The following OTOA variants were observed in gnomAD, a reference collection of about 807,000 sequenced individuals.
OTOA encodes the protein cancer/testis antigen 108.
A neutral mutation model predicts 110.8 loss-of-function variants in OTOA; 70 were observed. That is an observed-to-expected ratio of 0.63 (90% CI 0.52 to 0.77). The LOEUF is 0.77. OTOA is among the 30% of genes least tolerant of loss of function. The pLI is 0.00. For synonymous variants in OTOA, 373 were observed against 431.5 expected, an observed-to-expected ratio of 0.86 and a Z score of 1.68; for missense variants, 917 against 1,075.8, an observed-to-expected ratio of 0.85 and a Z score of 2.06.
chr16:21,677,043 T>C (rs1008597781), intron 1 of OTOA, among the ~76,000 whole-genome samples: 6 of 152,188 alleles, frequency 3.9e-5, no homozygotes, highest in African/African-American at 1.4e-4. Context: ...TTATGATGAA[T>C]TTCTTTTTAT....
chr16:21,707,610 TTTC>T (rs1898211388), intron 12 of OTOA, among the ~76,000 whole-genome samples: 1 of 88,366 alleles, frequency 1.1e-5, no homozygotes, highest in Non-Finnish European at 2.7e-5. Context: ...TCTTTCTTTC[TTTC>T]TTTCTTTCTT....
chr16:21,725,975 A>G (rs1053022088), intron 18 of OTOA, among the ~76,000 whole-genome samples: 5 of 152,186 alleles, frequency 3.3e-5, no homozygotes, highest in Non-Finnish European at 5.9e-5. Flanking sequence ...TCAAGAGCTG[A>G]AGGATCAAGA....
At chr16:21,721,118 T>A (rs558004826) in intron 17 of OTOA, among the ~76,000 whole-genome samples, 4 of 151,666 alleles carry the variant, frequency 2.6e-5, no homozygotes, top group African/African-American at 9.7e-5. Flanking sequence ...TTTCATCATG[T>A]TGGCCAGGCT....
chr16:21,676,783 CT>C (rs1375648833), intron 1 of OTOA, among the ~76,000 whole-genome samples: 1 of 152,166 alleles, frequency 6.6e-6, no homozygotes. Flanking sequence ...GTCTCTTCTG[CT>C]CAGTGAGACC....
chr16:21,721,612 G>A, intron 17 of OTOA: 1 of 411,646 alleles, frequency 2.4e-6, no homozygotes, highest in Non-Finnish European at 5.0e-6. Context: ...ATATAGGCCG[G>A]TCACAATGAC....
chr16:21,710,693 G>A (rs971441731), intron 13 of OTOA, among the ~76,000 whole-genome samples: 1 of 152,020 alleles, frequency 6.6e-6, no homozygotes, highest in African/African-American at 2.4e-5. Flanking sequence ...TTCTCTATTT[G>A]TAATATGTGG....
chr16:21,709,826 G>C, intron 12 of OTOA, 62 bp from the exon 13 acceptor site: 1 of 1,420,898 alleles, frequency 7.0e-7, no homozygotes, highest in Non-Finnish European at 9.9e-7. Flanking sequence ...CCCTGGATAT[G>C]GTCAGAGGGA....
chr16:21,721,278 C>T (rs986146724), intron 17 of OTOA: 3 of 435,714 alleles, frequency 6.9e-6, no homozygotes, highest in South Asian at 1.6e-5. Context: ...CACACACACA[C>T]AAACAACCAA....
intron 14 of OTOA, among the ~76,000 whole-genome samples, chr16:21,715,805 A>G (rs1261816630): frequency 6.6e-6 from 1 of 151,882 alleles, no homozygotes; most frequent in Admixed American, 6.6e-5. Flanking sequence ...GGTGTGAGCC[A>G]CTGTGCCTGG....
intron 5 of OTOA, among the ~76,000 whole-genome samples, chr16:21,681,119 T>G (rs550930431): frequency 6.6e-6 from 1 of 152,310 alleles, no homozygotes; most frequent in East Asian, 1.9e-4. Context: ...TAGCGTCTGC[T>G]TTTAAATGTA....
Position 21,702,833 on chromosome 16 carries a change from G to A in OTOA, c.980+1806G>A, listed in dbSNP as rs1183524252. 2.6e-5 allele frequency among the ~76,000 whole-genome samples: 4 copies of A among 152,106 alleles called. No individual in the cohort carries two copies. In the East Asian group the frequency reaches 5.8e-4, roughly 22 times the overall value. On this transcript the variant is annotated intron_variant, in intron 11 of 28. Coordinates refer to ENST00000646100, the MANE Select transcript of OTOA (RefSeq NM_144672.4). ...TGGGACTACAGGCACACGCCACCAC[G>A]CCCAGCTAATTTCTGTATTTTTAGT...
At position 21,728,363 on chromosome 16, in the gene OTOA, C is replaced by T. The variant is rs199815224; in HGVS notation, c.2139C>T (p.Leu713=). The change falls in exon 20 of 29, where the codon CTC becomes CTT. Residue 713 remains leucine (L), a synonymous_variant. Coordinates refer to ENST00000646100, the MANE Select transcript of OTOA (RefSeq NM_144672.4). ...CTTGGGCGACTGCTCTACACGGCCT[C>T]AGAGACTGCCCAGACCTCAACCCTG... The part of the protein sequence containing the change: ...PRAWATALHG[L]RDCPDLNPEQ... The T allele has an allele frequency of 5.0e-6, 8 of 1,614,044 alleles. No homozygotes were observed. The highest frequency in any genetic ancestry group is 6.8e-6 in the Non-Finnish European group (8 of 1,180,022).
At chr16:21,678,234 G>A (rs984032675) in intron 1 of OTOA, among the ~76,000 whole-genome samples, 2 of 151,852 alleles carry the variant, frequency 1.3e-5, no homozygotes. Context: ...GAGGAGTTGG[G>A]GGTAGTGGTA....
intron 1 of OTOA, among the ~76,000 whole-genome samples, chr16:21,670,607 C>T (rs1342591675): frequency 6.6e-6 from 1 of 152,076 alleles, no homozygotes. Context: ...TCCAACACAC[C>T]AGCAGGGAGT....
intron 9 of OTOA, among the ~76,000 whole-genome samples, chr16:21,693,531 TAAAG>T (rs1017040602): frequency 1.3e-5 from 2 of 151,928 alleles, no homozygotes; most frequent in African/African-American, 4.8e-5. Flanking sequence ...TGTAAGTAAA[TAAAG>T]AGAGAGAGAG....
chr16:21,681,477 G>A (rs1046611990), intron 5 of OTOA, among the ~76,000 whole-genome samples: 1 of 152,066 alleles, frequency 6.6e-6, no homozygotes, highest in African/African-American at 2.4e-5. Flanking sequence ...CAGCTGCTTG[G>A]GTGGCTGAGG....
chr16:21,692,811 C>T (rs1897857552), intron 9 of OTOA, among the ~76,000 whole-genome samples: 1 of 150,014 alleles, frequency 6.7e-6, no homozygotes, highest in Non-Finnish European at 1.5e-5. Context: ...GTCTGTAATC[C>T]CAGCTATTTG....
Position 21,685,213 on chromosome 16 carries a change from C to T in OTOA, c.268-17C>T, listed in dbSNP as rs1180524201. The T allele has an allele frequency of 1.9e-6, 3 of 1,610,514 alleles. No individual in the cohort carries two copies. The highest frequency in any genetic ancestry group is 2.5e-6 in the Non-Finnish European group (3 of 1,178,070). On this transcript the variant is annotated splice_polypyrimidine_tract_variant and intron_variant, in intron 6 of 28. Coordinates refer to ENST00000646100, the MANE Select transcript of OTOA (RefSeq NM_144672.4). ...CTCTTTCTGTTCTCACCGACTCTCC[C>T]AACACCCCAAATACAGGCAGCCGTG...
At chr16:21,696,432 G>C (rs1897942433) in intron 9 of OTOA, among the ~76,000 whole-genome samples, 1 of 152,136 alleles carries the variant, frequency 6.6e-6, no homozygotes, top group Non-Finnish European at 1.5e-5. Flanking sequence ...GGCCAGCCAA[G>C]ATTTGGAGAA....
Sources: allele counts gnomAD v4.1 joint callset (sites outside exome capture counted in the v4.1 genomes callset), GRCh38; gene constraint gnomAD v4.1.1; transcripts MANE v1.5; gene names NCBI Gene and HGNC (gene_info 2026-07-23, HGNC 2026-07-21).